Variants in OR9Q1 observed in about 807,000 individuals in gnomAD.
OR9Q1 encodes olfactory receptor family 9 subfamily Q member 1, also known as olfactory receptor 9Q1.
For synonymous variants in OR9Q1, 153 were observed against 148.6 expected (o/e 1.03, Z -0.22); for missense variants, 374 against 378.8 (o/e 0.99, Z 0.11).
chr11:58,044,326 T>G (rs1033371278), intron 1 of OR9Q1: 1 of 152,232 alleles, frequency 6.6e-6, no homozygotes, highest in Admixed American at 6.5e-5. Context: ...CTGGTGACAT[T>G]GCGATTTCTC....
intron 2 of OR9Q1, chr11:58,119,303 A>C (rs2120130827): frequency 6.2e-7 from 1 of 1,613,938 alleles, no homozygotes; most frequent in South Asian, 1.1e-5. Context: ...ACTTGGATTA[A>C]CATAATCATC....
intron 2 of OR9Q1, among the ~76,000 whole-genome samples, chr11:58,076,676 G>A (rs367736900): frequency 6.6e-6 from 1 of 152,016 alleles, no homozygotes; most frequent in Admixed American, 6.6e-5. Context: ...TTATAGAGAC[G>A]AGGTCTCACT....
chr11:58,082,653 G>A (rs940916116), intron 2 of OR9Q1, among the ~76,000 whole-genome samples: 3 of 138,306 alleles, frequency 2.2e-5, no homozygotes, highest in Admixed American at 7.4e-5. Flanking sequence ...GCTAAATGAC[G>A]AGTTAATGGG....
chr11:58,176,505 C>G (rs1854608323), intron 2 of OR9Q1, among the ~76,000 whole-genome samples: 1 of 152,172 alleles, frequency 6.6e-6, no homozygotes, highest in African/African-American at 2.4e-5. Context: ...TGGGAGCCCA[C>G]AGGAAGAGGC....
At chr11:58,144,997 C>A in intron 2 of OR9Q1, 1 of 160,018 alleles carries the variant, frequency 6.2e-6, no homozygotes, top group South Asian at 1.7e-4. Flanking sequence ...TAAGTCCAAC[C>A]ATGTAGACTT....
At chr11:58,047,500 T>C in intron 1 of OR9Q1, 1 of 152,154 alleles carries the variant, frequency 6.6e-6, no homozygotes, top group East Asian at 1.9e-4. Flanking sequence ...AGAAAACCTC[T>C]TCTTGGGCTT....
chr11:58,180,406 A>G lies in OR9Q1; in HGVS notation c.*29A>G, dbSNP rs746243305. On this transcript the variant is annotated 3_prime_UTR_variant, in exon 3 of 3. Coordinates refer to ENST00000335397, the MANE Select transcript of OR9Q1 (RefSeq NM_001005212.4). ...TCTCCAAACTTGGAAAATCCCGAGA[A>G]CCACCTACTCTGTAGTGTCAGAATT... The G allele has an allele frequency of 7.1e-7, 1 of 1,417,634 alleles. No individual in the cohort carries two copies. Among genetic ancestry groups the G allele is most frequent in the Admixed American group, 2.0e-5 (1 of 50,012 alleles). The allele number at this position is 1,417,634 out of a possible 1,614,324, so 87.8% of individuals were successfully genotyped here.
At chr11:58,165,963 A>G (rs1172498839) in intron 2 of OR9Q1, among the ~76,000 whole-genome samples, 6 of 152,250 alleles carry the variant, frequency 3.9e-5, no homozygotes, top group African/African-American at 1.4e-4. Context: ...AGGTTTCTCT[A>G]CATTTACAAA....
Position 58,180,232 on chromosome 11 carries a change from C to T in OR9Q1, c.788C>T (p.Ser263Leu). ...TLIFMYLRGN[S>L]DQSSEKNRVV... Reference sequence around the variant, plus strand: ...ATCTTCATGTACTTGAGAGGTAACTCAGATCAGTCTTCGGAGAAGAATCGG... The same window carrying T: ...ATCTTCATGTACTTGAGAGGTAACTTAGATCAGTCTTCGGAGAAGAATCGG... The change falls in exon 3 of 3, where the codon TCA (serine) becomes TTA (leucine). Residue 263 changes from serine (S) to leucine (L), a missense_variant. Physicochemically the swap from Ser to Leu is moderately radical, Grantham distance 145. Coordinates refer to ENST00000335397, the MANE Select transcript of OR9Q1 (RefSeq NM_001005212.4). The T allele has an allele frequency of 6.2e-7, 1 of 1,614,122 alleles. No individual in the cohort carries two copies. The highest frequency in any genetic ancestry group is 8.5e-7 in the Non-Finnish European group (1 of 1,180,002).
intron 2 of OR9Q1, among the ~76,000 whole-genome samples, chr11:58,056,873 C>T (rs749667241): frequency 9.9e-5 from 15 of 152,098 alleles, no homozygotes; most frequent in African/African-American, 3.1e-4. Context: ...AGAAGTGTTC[C>T]ATCAGTGGGG....
chr11:58,166,567 C>CA (rs1854507314), intron 2 of OR9Q1, among the ~76,000 whole-genome samples: 1 of 152,128 alleles, frequency 6.6e-6, no homozygotes, highest in South Asian at 2.1e-4. Context: ...AACAATGTTG[C>CA]AATAGACATC....
intron 1 of OR9Q1, among the ~76,000 whole-genome samples, chr11:58,032,847 C>T (rs533374709): frequency 7.9e-5 from 12 of 152,130 alleles, no homozygotes; most frequent in South Asian, 2.1e-4. Flanking sequence ...AGAAAATATT[C>T]GCAAACTATG....
intron 1 of OR9Q1, among the ~76,000 whole-genome samples, chr11:58,053,820 A>G (rs944992706): frequency 6.6e-6 from 1 of 151,930 alleles, no homozygotes; most frequent in Non-Finnish European, 1.5e-5. Context: ...CTTAAAAAGC[A>G]GAAAAGGGAG....
chr11:58,110,943 T>C (rs1853893763), intron 2 of OR9Q1, among the ~76,000 whole-genome samples: 1 of 152,050 alleles, frequency 6.6e-6, no homozygotes, highest in Non-Finnish European at 1.5e-5. Flanking sequence ...TGGAATCAGG[T>C]TTAGGGACTT....
At chr11:58,129,884 A>AT (rs1486751879) in intron 2 of OR9Q1, among the ~76,000 whole-genome samples, 1 of 149,002 alleles carries the variant, frequency 6.7e-6, no homozygotes, top group East Asian at 2.0e-4. Flanking sequence ...TTTTTTGCTT[A>AT]TTTTTTCCTG....
chr11:58,093,611 T>A (rs980010754), intron 2 of OR9Q1, among the ~76,000 whole-genome samples: 1 of 151,652 alleles, frequency 6.6e-6, no homozygotes, highest in Non-Finnish European at 1.5e-5. Context: ...ATACAAAAAA[T>A]TTGCTGGGCA....
intron 2 of OR9Q1, among the ~76,000 whole-genome samples, chr11:58,175,862 G>T (rs564250246): frequency 6.6e-6 from 1 of 151,092 alleles, no homozygotes; most frequent in African/African-American, 2.4e-5. Flanking sequence ...TCAACAAAAT[G>T]CCTATGAATT....
rs74577296 is a variant in OR9Q1, at chr11:58,087,003, T to C, written c.-15+31056T>C. Among the ~76,000 whole-genome samples, 1,276 of 151,838 alleles carry C rather than the reference T, an allele frequency of 8.4e-3. 43 individuals are homozygous for C. The highest frequency in any genetic ancestry group is 0.029 in the African/African-American group (1,197 of 41,200). On this transcript the variant is annotated intron_variant, in intron 2 of 2. Coordinates refer to ENST00000335397, the MANE Select transcript of OR9Q1 (RefSeq NM_001005212.4). Reference sequence around the variant, plus strand: ...AATTGCTTTAACAATAGATTTTAAATTTCACCACAAAGATGAAAAATATGT... The same window carrying C: ...AATTGCTTTAACAATAGATTTTAAACTTCACCACAAAGATGAAAAATATGT...
intron 2 of OR9Q1, among the ~76,000 whole-genome samples, chr11:58,081,952 C>T (rs1180741090): frequency 3.3e-5 from 5 of 152,016 alleles, no homozygotes; most frequent in East Asian, 1.9e-4. Context: ...TTTTAAGAAA[C>T]ATTTTGTATT....
Sources: gnomAD v4.1 joint callset for allele counts (sites outside exome capture counted in the v4.1 genomes callset) on GRCh38, gnomAD v4.1.1 for gene constraint, MANE v1.5 for transcripts, NCBI Gene and HGNC (gene_info 2026-07-23, HGNC 2026-07-21) for gene names.